The following TCF4 variants were observed in gnomAD, a reference collection of about 807,000 sequenced individuals.
The protein encoded by TCF4 is SL3-3 enhancer factor 2.
Under a neutral mutation model 82.1 loss-of-function variants are expected in TCF4, and 3 were observed. The ratio of observed to expected loss-of-function variants is 0.04; its 90% confidence interval spans 0.02 to 0.09. The LOEUF (loss-of-function observed/expected upper bound fraction) is 0.09, where lower values mean the gene tolerates loss of function less well. TCF4 is among the 10% of genes least tolerant of loss of function. The pLI is 1.00. For synonymous variants in TCF4, 276 were observed against 309.6 expected, an observed-to-expected ratio of 0.89 and a Z score of 1.14; for missense variants, 518 against 852.7, an observed-to-expected ratio of 0.61 and a Z score of 4.89.
intron 3 of TCF4, among the ~76,000 whole-genome samples, chr18:55,523,071 G>T (rs2096945934): frequency 6.6e-6 from 1 of 151,972 alleles, no homozygotes; most frequent in Non-Finnish European, 1.5e-5. Context: ...AGCTAAACTT[G>T]ATAATCTCTT....
chr18:55,389,159 G>A (rs1215208878), intron 6 of TCF4, among the ~76,000 whole-genome samples: 1 of 152,048 alleles, frequency 6.6e-6, no homozygotes, highest in African/African-American at 2.4e-5. Flanking sequence ...CCAGCCTCAG[G>A]GGTCATTGGC....
At chr18:55,354,571 C>T (rs2083039163) in intron 6 of TCF4, among the ~76,000 whole-genome samples, 1 of 152,140 alleles carries the variant, frequency 6.6e-6, no homozygotes, top group South Asian at 2.1e-4. Flanking sequence ...AAAAATAGAA[C>T]TCACTGCTTG....
chr18:55,627,458 A>G, intron 2 of TCF4, among the ~76,000 whole-genome samples: 1 of 152,200 alleles, frequency 6.6e-6, no homozygotes, highest in East Asian at 1.9e-4. Flanking sequence ...ACGTGTATTC[A>G]GAAGAGTCAA....
chr18:55,277,681 T>C (rs1421529877), intron 9 of TCF4, among the ~76,000 whole-genome samples: 13 of 151,798 alleles, frequency 8.6e-5, no homozygotes, highest in Non-Finnish European at 1.3e-4. Flanking sequence ...TGTGGTCTGC[T>C]AGGGAAAGGA....
chr18:55,385,194 G>C (rs1373963954), intron 6 of TCF4, among the ~76,000 whole-genome samples: 1 of 152,130 alleles, frequency 6.6e-6, no homozygotes, highest in Non-Finnish European at 1.5e-5. Flanking sequence ...TCCACCTGCA[G>C]CACAGAGACA....
chr18:55,232,592 G>A lies in TCF4; in HGVS notation c.1566C>T (p.Asn522=), dbSNP rs760248020. ...EIKSDDEGDE[N]LQDTKSSEDK... is the part of the protein sequence containing the mutation. ...CCTCCGAAGATTTCGTGTCTTGCAG[G>A]TTCTCATCACCCTCGTCATCGGATT... Residue 522 remains asparagine (N), a synonymous_variant, in exon 17 of 20, where the codon AAC becomes AAT. Transcript: ENST00000354452. 6.2e-7 allele frequency: 1 copy of A among 1,614,096 alleles called. No individual in the cohort carries two copies. The highest frequency in any genetic ancestry group is 8.5e-7 in the Non-Finnish European group (1 of 1,180,026).
At chr18:55,265,492 T>A (rs371441008) in intron 11 of TCF4, 1 of 152,186 alleles carries the variant, frequency 6.6e-6, no homozygotes, top group Admixed American at 6.6e-5. Context: ...TTGGGCTTCC[T>A]GATCGTGCAC....
At chr18:55,266,120 T>C (rs912444420) in intron 11 of TCF4, 1 of 152,178 alleles carries the variant, frequency 6.6e-6, no homozygotes, top group Non-Finnish European at 1.5e-5. Context: ...GCAGTCTCAG[T>C]GGTCTGTGCT....
At chr18:55,485,253 C>G (rs2096497358) in intron 3 of TCF4, among the ~76,000 whole-genome samples, 3 of 152,132 alleles carry the variant, frequency 2.0e-5, no homozygotes. Context: ...AAGACATTTC[C>G]CTATGTTTAA....
intron 5 of TCF4, among the ~76,000 whole-genome samples, chr18:55,406,904 G>A (rs781741965): frequency 6.6e-6 from 1 of 152,176 alleles, no homozygotes; most frequent in Non-Finnish European, 1.5e-5. Flanking sequence ...GATATTTTTT[G>A]GCACAAAGAC....
chr18:55,302,091 C>G (rs576724974), intron 8 of TCF4, among the ~76,000 whole-genome samples: 1 of 152,332 alleles, frequency 6.6e-6, no homozygotes, highest in Non-Finnish European at 1.5e-5. Context: ...TGCCCTGATC[C>G]TCAGCAGTCC....
In TCF4 at chr18:55,282,490, A is replaced by G. The variant is rs2062818675; in HGVS notation, c.550-2834T>C. ...TTTACTTCAGTCAACTCTTTTGCCA[A>G]TTTCTCAATCAAGCTTTCAAAGTAT... On this transcript the variant is annotated intron_variant, in intron 8 of 19. Coordinates refer to ENST00000354452, the MANE Select transcript of TCF4 (RefSeq NM_001083962.2). 2.0e-5 allele frequency among the ~76,000 whole-genome samples: 3 copies of G among 152,050 alleles called. No homozygotes were observed. The South Asian group carries it at 6.2e-4, about 32-fold the overall frequency.
intron 5 of TCF4, among the ~76,000 whole-genome samples, chr18:55,430,641 GA>G (rs5825140): frequency 0.97 from 146,264 of 150,656 alleles, 71,151 homozygotes; most frequent in East Asian, 1. Flanking sequence ...CAGAAAGCAG[GA>G]AAAAAAAAAA....
intron 3 of TCF4, among the ~76,000 whole-genome samples, chr18:55,466,503 T>C (rs1465987747): frequency 1.3e-5 from 2 of 151,938 alleles, no homozygotes; most frequent in African/African-American, 2.4e-5. Context: ...TCCCTAAAAA[T>C]ATATATATAT....
chr18:55,266,668 A>C (rs1295533430), intron 11 of TCF4: 1 of 152,070 alleles, frequency 6.6e-6, no homozygotes, highest in Non-Finnish European at 1.5e-5. Flanking sequence ...AAAAAAAAAA[A>C]TCTCTCATTA....
chr18:55,596,421 T>C (rs989525563), intron 2 of TCF4, among the ~76,000 whole-genome samples: 8 of 152,246 alleles, frequency 5.3e-5, no homozygotes, highest in African/African-American at 1.9e-4. Flanking sequence ...TATAATGCTC[T>C]GTCATAAAAT....
At position 55,337,895 on chromosome 18, in the gene TCF4, G is replaced by T. The variant is rs544095368; in HGVS notation, c.549+12464C>A. On this transcript the variant is annotated intron_variant, in intron 8 of 19. Coordinates refer to ENST00000354452, the MANE Select transcript of TCF4 (RefSeq NM_001083962.2). ...CCATGTACATACACACAAAGCTCCT[G>T]GAGCTGGCTCTTGGAACAGCTGTAC... is the stretch of plus-strand genomic sequence containing the variant. Among the ~76,000 whole-genome samples, 3 of 152,134 alleles carry T rather than the reference G, an allele frequency of 2.0e-5. No individual in the cohort carries two copies. The South Asian group carries it at 6.2e-4, about 32-fold the overall frequency.
chr18:55,277,552 T>C (rs751001251), intron 9 of TCF4, among the ~76,000 whole-genome samples: 10 of 151,746 alleles, frequency 6.6e-5, no homozygotes, highest in South Asian at 2.1e-4. Context: ...AAAGAAAGAA[T>C]AGAATTAGAT....
intron 5 of TCF4, among the ~76,000 whole-genome samples, chr18:55,439,519 T>C (rs2095397787): frequency 6.6e-6 from 1 of 152,128 alleles, no homozygotes; most frequent in Non-Finnish European, 1.5e-5. Context: ...TCCATCCCAG[T>C]AGTCCAGGAT....
Sources: allele counts gnomAD v4.1 joint callset (sites outside exome capture counted in the v4.1 genomes callset), GRCh38; gene constraint gnomAD v4.1.1; transcripts MANE v1.5; gene names NCBI Gene and HGNC (gene_info 2026-07-23, HGNC 2026-07-21).